The following SYT7 variants were observed in gnomAD, a reference collection of about 807,000 sequenced individuals.
SYT7 encodes synaptotagmin 7, also known as synaptotagmin-7.
In SYT7, 29 loss-of-function variants were observed where a neutral mutation model predicts 75.1. The ratio of observed to expected loss-of-function variants is 0.39; its 90% CI spans 0.29 to 0.53. SYT7 has a LOEUF of 0.53. Among genes scored for constraint, SYT7 ranks in the 20% least tolerant of loss-of-function variants. The pLI is 0.77. For synonymous variants in SYT7, 376 were observed against 401.7 expected (o/e 0.94, Z 0.76); for missense variants, 693 against 953.2 (o/e 0.73, Z 3.59).
chr11:61,583,490 TAGA>T (rs1297847681), upstream of SYT7, among the ~76,000 whole-genome samples: 1 of 152,160 alleles, frequency 6.6e-6, no homozygotes, highest in African/African-American at 2.4e-5. Context: ...GCAAGGCCTC[TAGA>T]AGAGAAGGAA....
intron 1 of SYT7, among the ~76,000 whole-genome samples, chr11:61,579,202 C>T (rs964883924): frequency 6.6e-6 from 1 of 152,236 alleles, no homozygotes; most frequent in African/African-American, 2.4e-5. Flanking sequence ...TACCTTCCAT[C>T]CTCATACCCC....
At chr11:61,568,711 A>C (rs891127325) in intron 1 of SYT7, among the ~76,000 whole-genome samples, 3 of 151,956 alleles carry the variant, frequency 2.0e-5, no homozygotes, top group Non-Finnish European at 4.4e-5. Context: ...CTCCAAGACC[A>C]CTCCAGCCCC....
Position 61,551,974 on chromosome 11 carries a change from T to C in SYT7, c.136-511A>G, listed in dbSNP as rs2063365161. Among the ~76,000 whole-genome samples the C allele has an allele frequency of 6.6e-6, 1 of 152,114 alleles. No homozygotes were observed. Among genetic ancestry groups the C allele is most frequent in the Non-Finnish European group, 1.5e-5 (1 of 68,000 alleles). On this transcript the variant is annotated intron_variant, in intron 2 of 12. Transcript: ENST00000539008. The surrounding 1 kb of genome is among the most constrained non-coding windows in gnomAD (Gnocchi z 5.3). Reference sequence around the variant, plus strand: ...TGTGTCCACCACTGTCTGGGGGTTCTCTGGGGGGTCCTTGTGCCCTGGGGC... The same window carrying C: ...TGTGTCCACCACTGTCTGGGGGTTCCCTGGGGGGTCCTTGTGCCCTGGGGC...
At chr11:61,530,155 G>C (rs2062659838) in intron 8 of SYT7, among the ~76,000 whole-genome samples, 1 of 152,240 alleles carries the variant, frequency 6.6e-6, no homozygotes, top group African/African-American at 2.4e-5. Flanking sequence ...ACCTGCGATT[G>C]AATGGCCAGT....
At chr11:61,573,850 C>G (rs146080681) in intron 1 of SYT7, among the ~76,000 whole-genome samples, 1 of 152,354 alleles carries the variant, frequency 6.6e-6, no homozygotes, top group Non-Finnish European at 1.5e-5. Context: ...GGACTCAAGG[C>G]CCTGTATCTG....
At chr11:61,526,560 C>A (rs1035100547) in intron 9 of SYT7, 5 of 152,198 alleles carry the variant, frequency 3.3e-5, no homozygotes, top group African/African-American at 1.2e-4. Context: ...GCCAGAAATG[C>A]CCTGAGGGCC....
chr11:61,546,782 C>G lies in SYT7; in HGVS notation c.347+395G>C. On this transcript the variant is annotated intron_variant, in intron 4 of 12. Transcript: ENST00000539008. This position sits in a 1 kb window ranked among gnomAD's most constrained non-coding sequence, Gnocchi z 7.6. The stretch of plus-strand genomic sequence containing the variant: ...CGAACCACCGACCACCGACCACCGA[C>G]CACCGAGCAGCCACGGCAGCACACA... 2.6e-6 allele frequency: 1 copy of G among 389,284 alleles called. No homozygotes were observed. Among genetic ancestry groups the G allele is most frequent in the Non-Finnish European group, 5.0e-6 (1 of 199,628 alleles). The allele number at this position is 389,284 out of a possible 1,614,324, so 24.1% of individuals were successfully genotyped here.
At chr11:61,588,200 G>A in the SYT7 span, among the ~76,000 whole-genome samples, 1 of 152,166 alleles carries the variant, frequency 6.6e-6, no homozygotes, top group Non-Finnish European at 1.5e-5. Flanking sequence ...GGAGCTGCTG[G>A]GCTCCTTGGT....
chr11:61,545,779 A>G (rs2063165862), intron 5 of SYT7, among the ~76,000 whole-genome samples: 1 of 152,214 alleles, frequency 6.6e-6, no homozygotes, highest in Non-Finnish European at 1.5e-5. Flanking sequence ...AGAAAATGGA[A>G]TGACCTGGTC....
chr11:61,574,252 G>A (rs906670684), intron 1 of SYT7, among the ~76,000 whole-genome samples: 2 of 152,138 alleles, frequency 1.3e-5, no homozygotes, highest in Non-Finnish European at 2.9e-5. Context: ...CCAACCGCCT[G>A]GGAGGTAAGA....
In SYT7 at chr11:61,553,528, TCTC is replaced by T. The variant is rs2063411170; in HGVS notation, c.136-2068_136-2066del. On this transcript the variant is annotated intron_variant, in intron 2 of 12. Transcript: ENST00000539008. The surrounding 1 kb of genome is among the most constrained non-coding windows in gnomAD (Gnocchi z 5.2). ...ATCCTGGGAGCCTCTGTCTGCCCCT[TCTC>T]CTTCCCCAACTCCGAGAACCTTCCC... Among the ~76,000 whole-genome samples the T allele has an allele frequency of 6.6e-6, 1 of 152,102 alleles. No individual in the cohort carries two copies. Among genetic ancestry groups the T allele is most frequent in the South Asian group, 2.1e-4 (1 of 4,816 alleles).
chr11:61,588,228 C>G, the SYT7 span, among the ~76,000 whole-genome samples: 1 of 152,198 alleles, frequency 6.6e-6, no homozygotes, highest in African/African-American at 2.4e-5. Context: ...GCCTGAGCGC[C>G]AGAATCCAAT....
rs1296038714 is a variant in SYT7 at position 61,514,534 on chromosome 11, C to G, written c.*4093G>C. 1.3e-5 allele frequency among the ~76,000 whole-genome samples: 2 copies of G among 152,168 alleles called. No homozygotes were observed. The highest frequency in any genetic ancestry group is 6.5e-5 in the Admixed American group (1 of 15,270). ...CGTTCCTTTTGTGCCTGTGTCTGAA[C>G]CAGATGTAGCACCTTCCTTCTGAAG... On this transcript the variant is annotated 3_prime_UTR_variant, in exon 13 of 13. Transcript: ENST00000539008.
At position 61,533,438 on chromosome 11, in the gene SYT7, G is replaced by A. The variant is rs144946800; in HGVS notation, c.1065-314C>T. On this transcript the variant is annotated intron_variant, in intron 7 of 12. Coordinates refer to ENST00000539008, the MANE Select transcript of SYT7 (RefSeq NM_001365809.2). ...CCTCCAGTCATTGGCTTGCATAGTC[G>A]GTCTCTGAGGTGGCCACTGCCCCCA... 7.9e-3 allele frequency: 7,782 copies of A among 985,302 alleles called. 36 individuals are homozygous for A. The highest frequency in any genetic ancestry group is 0.011 in the Admixed American group (185 of 16,278). 61.0% of individuals were successfully genotyped at this position (985,302 alleles called of 1,614,324 possible). A position where few individuals can be genotyped will look rare whatever the true frequency, so the allele number is the denominator to read the frequency against.
intron 2 of SYT7, among the ~76,000 whole-genome samples, chr11:61,552,168 C>T (rs879453781): frequency 6.6e-6 from 1 of 152,114 alleles, no homozygotes; most frequent in Non-Finnish European, 1.5e-5. Context: ...CCAGGTCCTC[C>T]AGCTAAAGGA....
At chr11:61,549,967 C>G (rs1183154584) in intron 3 of SYT7, among the ~76,000 whole-genome samples, 1 of 152,222 alleles carries the variant, frequency 6.6e-6, no homozygotes, top group Non-Finnish European at 1.5e-5. Flanking sequence ...GCCCCCAGCC[C>G]TGGCCCGCGG....
chr11:61,556,994 T>C (rs960377310), intron 1 of SYT7, among the ~76,000 whole-genome samples: 7 of 128,274 alleles, frequency 5.5e-5, no homozygotes, highest in Admixed American at 7.1e-5. Flanking sequence ...TTGGCAAAGA[T>C]GTCCTGGGAG....
At chr11:61,585,842 CTACCT>C (rs1036735864), upstream of SYT7, among the ~76,000 whole-genome samples, 646 of 152,246 alleles carry the variant, frequency 4.2e-3, 6 homozygotes, top group African/African-American at 0.014. Context: ...AACTCGGGTC[CTACCT>C]CTGCCTGTTT....
chr11:61,580,931 A>G lies in SYT7; in HGVS notation c.-111T>C, dbSNP rs2064248389. 15 of 1,028,324 alleles carry G rather than the reference A, an allele frequency of 1.5e-5. 1 individual carries two copies. The South Asian group carries it at 6.7e-4, about 46-fold the overall frequency. 63.7% of individuals were successfully genotyped at this position (1,028,324 alleles called of 1,614,324 possible). ...CGGGCGACCCCCGGGGGCGGGTCCG[A>G]GGGCGGGGGCCGAGCGGGCTGCACC... On this transcript the variant is annotated 5_prime_UTR_variant, in exon 1 of 13. Coordinates refer to ENST00000539008, the MANE Select transcript of SYT7 (RefSeq NM_001365809.2). The surrounding 1 kb of genome is among the most constrained non-coding windows in gnomAD (Gnocchi z 6.1).
Sources: gnomAD v4.1 joint callset for allele counts (sites outside exome capture counted in the v4.1 genomes callset) on GRCh38, gnomAD v4.1.1 for gene constraint, Gnocchi (gnomAD v3.1) non-coding constraint, MANE v1.5 for transcripts, NCBI Gene and HGNC (gene_info 2026-07-23, HGNC 2026-07-21) for gene names.